The following RAPGEFL1 variants were observed in gnomAD, a reference collection of about 807,000 sequenced individuals.
RAPGEFL1 encodes the protein Rap guanine nucleotide exchange factor like 1, also known as rap guanine nucleotide exchange factor-like 1.
In RAPGEFL1, 31 loss-of-function variants were observed where a neutral mutation model predicts 64.4. That is an observed-to-expected ratio of 0.48 (90% CI 0.36 to 0.65). The LOEUF is 0.65. Ranked by LOEUF, RAPGEFL1 falls within the 30% of genes least tolerant of loss-of-function variation. The pLI, the probability that RAPGEFL1 is intolerant of heterozygous loss-of-function variation, is 0.00. For missense variants in RAPGEFL1, 682 were observed against 677.4 expected, an observed-to-expected ratio of 1.01 and a Z score of -0.08; for synonymous variants, 331 against 274.1, an observed-to-expected ratio of 1.21 and a Z score of -2.05.
chr17:40,180,126 T>G (rs1239385155), intron 1 of RAPGEFL1, among the ~76,000 whole-genome samples: 1 of 152,162 alleles, frequency 6.6e-6, no homozygotes, highest in African/African-American at 2.4e-5. Context: ...TCCTGTGAGA[T>G]AAAGTCTATG....
chr17:40,187,804 G>A (rs1436692896), intron 4 of RAPGEFL1, among the ~76,000 whole-genome samples: 18 of 151,644 alleles, frequency 1.2e-4, no homozygotes, highest in South Asian at 4.2e-4. Context: ...TAGTAGAGAC[G>A]GGGTTTCATC....
At position 40,178,071 on chromosome 17, in the gene RAPGEFL1, G is replaced by A. The variant is rs1189918590; in HGVS notation, c.210G>A (p.Glu70=). The change falls in exon 1 of 15, where the codon GAG becomes GAA. Residue 70 remains glutamate (E), a synonymous_variant. Coordinates refer to ENST00000620260, the MANE Select transcript of RAPGEFL1 (RefSeq NM_016339.6). The stretch of plus-strand genomic sequence containing the variant: ...TGCTGCTCCCCGCTTTCCTCCGGGA[G>A]CCCCCCGCCGAGCCGGGGCTGGAGC... ...SRLLLPAFLR[E]PPAEPGLEPP... is the part of the protein sequence containing the mutation. 1.0e-5 allele frequency: 6 copies of A among 602,776 alleles called. No homozygotes were observed. Among genetic ancestry groups the A allele is most frequent in the Non-Finnish European group, 1.5e-5 (5 of 341,046 alleles). 37.3% of individuals were successfully genotyped at this position (602,776 alleles called of 1,614,324 possible). A position where few individuals can be genotyped will look rare whatever the true frequency, so the allele number is the denominator to read the frequency against.
chr17:40,191,223 C>A lies in RAPGEFL1; in HGVS notation c.1336-93C>A. ...CACCCCTTCCGCCCCCGCCCTCCTG[C>A]CTTTCGCTCCTCATCGCCTTGCACT... On this transcript the variant is annotated intron_variant, in intron 8 of 14. Coordinates refer to ENST00000620260, the MANE Select transcript of RAPGEFL1 (RefSeq NM_016339.6). This position sits in a 1 kb window ranked among gnomAD's most constrained non-coding sequence, Gnocchi z 5.1. 1 of 1,206,694 alleles carries A rather than the reference C, an allele frequency of 8.3e-7. No individual in the cohort carries two copies. The highest frequency in any genetic ancestry group is 1.1e-6 in the Non-Finnish European group (1 of 897,194). The allele number at this position is 1,206,694 out of a possible 1,614,324, so 74.7% of individuals were successfully genotyped here. A position where few individuals can be genotyped will look rare whatever the true frequency, so the allele number is the denominator to read the frequency against.
chr17:40,191,515 G>A lies in RAPGEFL1; in HGVS notation c.1514+21G>A. 6.3e-7 allele frequency: 1 copy of A among 1,587,646 alleles called. No homozygotes were observed. The highest frequency in any genetic ancestry group is 8.5e-7 in the Non-Finnish European group (1 of 1,169,804). On this transcript the variant is annotated intron_variant, in intron 9 of 14. Coordinates refer to ENST00000620260, the MANE Select transcript of RAPGEFL1 (RefSeq NM_016339.6). This position sits in a 1 kb window ranked among gnomAD's most constrained non-coding sequence, Gnocchi z 5.1. ...GCCCTGTGAGTGCGGCCGTCGGCGG[G>A]ATGGGGGGCCGGAGGCCGGAGGCCC...
At position 40,193,403 on chromosome 17, in the gene RAPGEFL1, G is replaced by A. The variant is rs1990346714; in HGVS notation, c.1850G>A (p.Arg617Gln). 1.2e-6 allele frequency: 2 copies of A among 1,614,174 alleles called. No individual in the cohort carries two copies. The highest frequency in any genetic ancestry group is 1.7e-6 in the Non-Finnish European group (2 of 1,180,026). The change falls in exon 14 of 15, where the codon CGG becomes CAG. Residue 617 changes from arginine (R) to glutamine (Q), a missense_variant. Coordinates refer to ENST00000620260, the MANE Select transcript of RAPGEFL1 (RefSeq NM_016339.6). ...AAAGTGAGGACAATCCGCAAATACC[G>A]GAGCCGGCCCCTTTGTGAGTACCCA... ...AEKVRTIRKY[R>Q]SRPLCLDMEA... is the part of the protein sequence containing the mutation.
At position 40,194,227 on chromosome 17, in the gene RAPGEFL1, G is replaced by A. The variant is rs1208220914; in HGVS notation, c.*439G>A. 1.0e-5 allele frequency: 2 copies of A among 192,482 alleles called. No homozygotes were observed. Among genetic ancestry groups the A allele is most frequent in the African/African-American group, 2.5e-5 (1 of 39,260 alleles). 11.9% of individuals were successfully genotyped at this position (192,482 alleles called of 1,614,324 possible). A position where few individuals can be genotyped will look rare whatever the true frequency, so the allele number is the denominator to read the frequency against. The stretch of plus-strand genomic sequence containing the variant: ...GGGCTGGGACCCCCAGGAATATTAT[G>A]TTGCCGTGTGTGTGTGTGTGTGTGT... On this transcript the variant is annotated 3_prime_UTR_variant, in exon 15 of 15. Transcript: ENST00000620260.
rs1188453913 is a variant in RAPGEFL1 at position 40,191,043 on chromosome 17, A to G, written c.1336-273A>G. 2 of 594,774 alleles carry G rather than the reference A, an allele frequency of 3.4e-6. No individual in the cohort carries two copies. Among genetic ancestry groups the G allele is most frequent in the East Asian group, 2.9e-5 (1 of 34,126 alleles). 36.8% of individuals were successfully genotyped at this position (594,774 alleles called of 1,614,324 possible). A position where few individuals can be genotyped will look rare whatever the true frequency, so the allele number is the denominator to read the frequency against. ...AAAGAAATAAAATAAGGCAGAGACA[A>G]TAATGCCTAGCAGATGGTTGTCTTG... On this transcript the variant is annotated intron_variant, in intron 8 of 14. Transcript: ENST00000620260. This position sits in a 1 kb window ranked among gnomAD's most constrained non-coding sequence, Gnocchi z 5.1.
chr17:40,182,385 C>G (rs1055253015), intron 2 of RAPGEFL1, among the ~76,000 whole-genome samples: 1 of 151,618 alleles, frequency 6.6e-6, no homozygotes, highest in Non-Finnish European at 1.5e-5. Flanking sequence ...GACCTTGGCT[C>G]ACTGCAGCCT....
rs1222276866 is a variant in RAPGEFL1 at position 40,191,616 on chromosome 17, G to A, written c.1549G>A (p.Ala517Thr). Residue 517 changes from alanine (A) to threonine (T), a missense_variant, in exon 10 of 15, where the codon GCC becomes ACC. Coordinates refer to ENST00000620260, the MANE Select transcript of RAPGEFL1 (RefSeq NM_016339.6). The surrounding 1 kb of genome is among the most constrained non-coding windows in gnomAD (Gnocchi z 5.1). ...KQNQDLLSFY[A>T]VVMGLDNAAV... ...GAACCAGGACCTGCTGTCTTTCTAC[G>A]CCGTGGTCATGGGGCTGGACAACGC... 5.6e-6 allele frequency: 9 copies of A among 1,611,102 alleles called. No homozygotes were observed. Among genetic ancestry groups the A allele is most frequent in the Non-Finnish European group, 6.8e-6 (8 of 1,178,692 alleles).
At chr17:40,182,339 T>G (rs2145203957) in intron 2 of RAPGEFL1, among the ~76,000 whole-genome samples, 1 of 151,932 alleles carries the variant, frequency 6.6e-6, no homozygotes, top group South Asian at 2.1e-4. Flanking sequence ...TGAGATGGAG[T>G]CTTGCTCTGT....
chr17:40,186,637 C>T (rs1249903981), intron 4 of RAPGEFL1, among the ~76,000 whole-genome samples: 1 of 135,640 alleles, frequency 7.4e-6, no homozygotes, highest in Admixed American at 7.9e-5. Context: ...GTGGCTCATG[C>T]CTGTAATCCC....
At chr17:40,192,458 G>A (rs1990309072) in intron 11 of RAPGEFL1, 148 bp from the exon 12 acceptor site, 13 of 897,068 alleles carry the variant, frequency 1.4e-5, no homozygotes, top group Non-Finnish European at 2.1e-5. Context: ...GAGTAGTCAG[G>A]TCCCTCCCCA....
intron 1 of RAPGEFL1, 44 bp downstream of exon 1, chr17:40,178,425 C>G: frequency 2.1e-6 from 1 of 471,652 alleles, no homozygotes; most frequent in East Asian, 3.5e-5. Context: ...GGGGCTGGCC[C>G]CGGCTCCTCT....
intron 13 of RAPGEFL1, 39 bp downstream of exon 13, chr17:40,193,029 G>A (rs369136800): frequency 1.9e-6 from 3 of 1,559,038 alleles, no homozygotes; most frequent in Non-Finnish European, 8.8e-7. Flanking sequence ...TCCCACAAGT[G>A]GGGGGCTTGC....
Position 40,183,835 on chromosome 17 carries a change from CTTTTTTTTTTT to C in RAPGEFL1, c.600-363_600-353del, listed in dbSNP as rs34505274. Among the ~76,000 whole-genome samples the C allele has an allele frequency of 2.8e-4, 16 of 56,878 alleles. No homozygotes were observed. In the South Asian group the frequency reaches 0.011, roughly 38 times the overall value. The allele number at this position is 56,878 out of a possible 152,430, so 37.3% of individuals were successfully genotyped here. A position where few individuals can be genotyped will look rare whatever the true frequency, so the allele number is the denominator to read the frequency against. On this transcript the variant is annotated intron_variant, in intron 2 of 14. Transcript: ENST00000620260. ...CGCGCCTGGCCTTTTTTTTTTTTGC[CTTTTTTTTTTT>C]TTTTTTTTTTTTTTTGAGACAGAGT...
At position 40,191,188 on chromosome 17, in the gene RAPGEFL1, T is replaced by C. The variant is rs950509109; in HGVS notation, c.1336-128T>C. ...TTGCCGCCTCCTGTCCTTTCTATTT[T>C]TCTATTTTCCACCCCTTCCGCCCCC... On this transcript the variant is annotated intron_variant, in intron 8 of 14. Transcript: ENST00000620260. This position sits in a 1 kb window ranked among gnomAD's most constrained non-coding sequence, Gnocchi z 5.1. 2.9e-5 allele frequency: 24 copies of C among 816,712 alleles called. No individual in the cohort carries two copies. The African/African-American group carries it at 3.9e-4, about 13-fold the overall frequency. 50.6% of individuals were successfully genotyped at this position (816,712 alleles called of 1,614,324 possible). A position where few individuals can be genotyped will look rare whatever the true frequency, so the allele number is the denominator to read the frequency against.
chr17:40,178,508 G>A, intron 1 of RAPGEFL1, 127 bp downstream of exon 1: 1 of 417,338 alleles, frequency 2.4e-6, no homozygotes, highest in African/African-American at 2.0e-5. Context: ...CGCGGAAGCC[G>A]GCTAGGGGCC....
rs767817765 is a variant in RAPGEFL1 at position 40,193,408 on chromosome 17, C to T, written c.1855C>T (p.Arg619Trp). 1.9e-5 allele frequency: 30 copies of T among 1,614,062 alleles called. No homozygotes were observed. Among genetic ancestry groups the T allele is most frequent in the African/African-American group, 6.7e-5 (5 of 74,916 alleles). ...GAGGACAATCCGCAAATACCGGAGC[C>T]GGCCCCTTTGTGAGTACCCAGGGTA... ...KVRTIRKYRS[R>W]PLCLDMEASP... is the part of the protein sequence containing the mutation. The change falls in exon 14 of 15, where the codon CGG becomes TGG. Residue 619 changes from arginine to tryptophan, a missense_variant. Physicochemically the swap from Arg to Trp is moderately radical, Grantham distance 101. Around this residue, in one of 2 missense-constraint regions of RAPGEFL1, gnomAD observed 411 missense variants for 519.4 expected, o/e 0.79. Transcript: ENST00000620260.
rs1039810534 is a variant in RAPGEFL1, at chr17:40,178,107, G to A, written c.246G>A (p.Glu82=). The A allele has an allele frequency of 1.1e-4, 61 of 576,014 alleles. No homozygotes were observed. Among genetic ancestry groups the A allele is most frequent in the Admixed American group, 6.2e-4 (19 of 30,828 alleles). 35.7% of individuals were successfully genotyped at this position (576,014 alleles called of 1,614,324 possible). A position where few individuals can be genotyped will look rare whatever the true frequency, so the allele number is the denominator to read the frequency against. The part of the protein sequence containing the change: ...PAEPGLEPPP[E]EEGGEPAGVA... Reference sequence around the variant, plus strand: ...AGCCGGGGCTGGAGCCGCCCCCTGAGGAGGAAGGAGGAGAGCCGGCGGGGG... The same window carrying A: ...AGCCGGGGCTGGAGCCGCCCCCTGAAGAGGAAGGAGGAGAGCCGGCGGGGG... Residue 82 remains glutamate (E), a synonymous_variant, in exon 1 of 15, where the codon GAG becomes GAA. Transcript: ENST00000620260.
Sources: allele counts gnomAD v4.1 joint callset (sites outside exome capture counted in the v4.1 genomes callset), GRCh38; gene constraint gnomAD v4.1.1; regional missense constraint gnomAD v4.1.1; non-coding constraint Gnocchi (gnomAD v3.1); transcripts MANE v1.5; gene names NCBI Gene and HGNC (gene_info 2026-07-23, HGNC 2026-07-21).